Variants in MAL2 observed in about 807,000 individuals in gnomAD.
The protein encoded by MAL2 is mal, T cell differentiation protein 2.
In MAL2, 17 loss-of-function variants were observed where a neutral mutation model predicts 18.1. The observed-to-expected ratio is 0.94, with a 90% CI of 0.64 to 1.41. The LOEUF (loss-of-function observed/expected upper bound fraction) is 1.41. Ranked by LOEUF, MAL2 falls within the 40% of genes most tolerant of loss-of-function variation. MAL2 has a pLI of 0.00. For synonymous variants in MAL2, 102 were observed against 102.3 expected (o/e 1.00, Z 0.02); for missense variants, 222 against 231.9 (o/e 0.96, Z 0.28).
intron 2 of MAL2, among the ~76,000 whole-genome samples, chr8:119,226,966 C>T (rs1451077022): frequency 6.6e-6 from 1 of 152,158 alleles, no homozygotes; most frequent in Non-Finnish European, 1.5e-5. Context: ...ACATCCCACA[C>T]CTGGCACAAA....
chr8:119,213,005 G>A (rs1022182897), intron 1 of MAL2, among the ~76,000 whole-genome samples: 2 of 152,140 alleles, frequency 1.3e-5, no homozygotes, highest in African/African-American at 4.8e-5. Flanking sequence ...AGGGACTGAA[G>A]GCAGGAAGAG....
intron 2 of MAL2, among the ~76,000 whole-genome samples, chr8:119,229,936 C>T (rs1054231695): frequency 5.3e-5 from 8 of 152,186 alleles, no homozygotes; most frequent in African/African-American, 1.2e-4. Flanking sequence ...CTTGCAGTTA[C>T]CTCTTGTTAA....
chr8:119,208,686 T>A lies in MAL2; in HGVS notation c.132+82T>A, dbSNP rs894348820. On this transcript the variant is annotated intron_variant, in intron 1 of 3. Coordinates refer to ENST00000614891, the MANE Select transcript of MAL2 (RefSeq NM_052886.3). The surrounding 1 kb of genome is among the most constrained non-coding windows in gnomAD (Gnocchi z 4.3). ...CCTTGTCCCCCGGGCTGTCTTCCTC[T>A]GCGTCCGCCCCCGGCCTCCTTCCCT... 1 of 1,217,384 alleles carries A rather than the reference T, an allele frequency of 8.2e-7. No individual in the cohort carries two copies. Among genetic ancestry groups the A allele is most frequent in the East Asian group, 3.3e-5 (1 of 30,374 alleles). 75.4% of individuals were successfully genotyped at this position (1,217,384 alleles called of 1,614,324 possible).
intron 3 of MAL2, among the ~76,000 whole-genome samples, chr8:119,242,369 CTTCAAG>C (rs1156548083): frequency 6.6e-6 from 1 of 152,144 alleles, no homozygotes; most frequent in East Asian, 1.9e-4. Flanking sequence ...CCTCTACATG[CTTCAAG>C]TTCAACATTA....
chr8:119,233,989 C>T (rs539516606), intron 2 of MAL2, among the ~76,000 whole-genome samples: 3 of 152,290 alleles, frequency 2.0e-5, no homozygotes, highest in Admixed American at 6.5e-5. Context: ...CTCCAGTCTA[C>T]AGCTCCCAGC....
In MAL2 at chr8:119,245,490, C is replaced by A. The variant is rs1395201988; in HGVS notation, c.*2002C>A. On this transcript the variant is annotated 3_prime_UTR_variant, in exon 4 of 4. Transcript: ENST00000614891. Reference sequence around the variant, plus strand: ...TGAATACTTAGATTTGTAGCTTAATCACATTCTAGACTTGTGAGTTGAATG... The same window carrying A: ...TGAATACTTAGATTTGTAGCTTAATAACATTCTAGACTTGTGAGTTGAATG... 1 of 152,586 alleles carries A rather than the reference C, an allele frequency of 6.6e-6. No homozygotes were observed. The highest frequency in any genetic ancestry group is 1.5e-5 in the Non-Finnish European group (1 of 68,030). 9.5% of individuals were successfully genotyped at this position (152,586 alleles called of 1,614,324 possible).
chr8:119,214,160 A>G (rs1428137758), intron 1 of MAL2, among the ~76,000 whole-genome samples: 3 of 152,242 alleles, frequency 2.0e-5, no homozygotes, highest in Non-Finnish European at 4.4e-5. Context: ...TGGCATACCC[A>G]GTATCATGCA....
In MAL2 at chr8:119,233,759, T is replaced by C. The variant is rs1046087225; in HGVS notation, c.304-6406T>C. Among the ~76,000 whole-genome samples, 5 of 151,908 alleles carry C rather than the reference T, an allele frequency of 3.3e-5. 1 individual carries two copies. The highest frequency in any genetic ancestry group is 1.2e-4 in the African/African-American group (5 of 41,170). ...TTCTACCAGAGGTACAAGGAGGAAC[T>C]GGTACCATTCCTTCTGAAACTATTC... On this transcript the variant is annotated intron_variant, in intron 2 of 3. Transcript: ENST00000614891.
Position 119,244,565 on chromosome 8 carries a change from T to C in MAL2, c.*1077T>C, listed in dbSNP as rs1818113673. ...GAATATACCCATATTTGTGTGTGGA[T>C]ATGTGAAGCTTTTCCAAATAGAGCT... On this transcript the variant is annotated 3_prime_UTR_variant, in exon 4 of 4. Coordinates refer to ENST00000614891, the MANE Select transcript of MAL2 (RefSeq NM_052886.3). The C allele has an allele frequency of 6.6e-6, 1 of 151,810 alleles. No homozygotes were observed. The highest frequency in any genetic ancestry group is 2.1e-4 in the South Asian group (1 of 4,738). 9.4% of individuals were successfully genotyped at this position (151,810 alleles called of 1,614,324 possible). A position where few individuals can be genotyped will look rare whatever the true frequency, so the allele number is the denominator to read the frequency against.
At chr8:119,214,373 A>T (rs1309895336) in intron 1 of MAL2, among the ~76,000 whole-genome samples, 2 of 152,186 alleles carry the variant, frequency 1.3e-5, no homozygotes, top group African/African-American at 2.4e-5. Flanking sequence ...GTTCTATTTT[A>T]TATAAGAGTA....
intron 2 of MAL2, among the ~76,000 whole-genome samples, chr8:119,222,371 A>T (rs922794927): frequency 6.6e-6 from 1 of 151,952 alleles, no homozygotes; most frequent in African/African-American, 2.4e-5. Flanking sequence ...TCTACTAAAA[A>T]TACAAAAATT....
rs368817195 is a variant in MAL2, at chr8:119,239,663, C to A, written c.304-502C>A. On this transcript the variant is annotated intron_variant, in intron 2 of 3. Coordinates refer to ENST00000614891, the MANE Select transcript of MAL2 (RefSeq NM_052886.3). ...GAAATCATCATTCTCAGTAAACTAT[C>A]GCAAGAACAAAAAACCAAACACCAC... Among the ~76,000 whole-genome samples the A allele has an allele frequency of 5.9e-5, 9 of 151,616 alleles. No individual in the cohort carries two copies. The South Asian group carries it at 6.2e-4, about 11-fold the overall frequency.
rs1296976011 is a variant in MAL2, at chr8:119,240,260, A to T, written c.399A>T (p.Thr133=). Residue 133 remains threonine, a synonymous_variant, in exon 3 of 4, where the codon ACA becomes ACT. Coordinates refer to ENST00000614891, the MANE Select transcript of MAL2 (RefSeq NM_052886.3). Reference sequence around the variant, plus strand: ...CCCTGCATGATTTGCATTGCAATACAACCATAACCGGGCAGCCACTCCTGA... The same window carrying T: ...CCCTGCATGATTTGCATTGCAATACTACCATAACCGGGCAGCCACTCCTGA... The part of the protein sequence containing the change: ...ATSLHDLHCN[T]TITGQPLLSD... 6.2e-7 allele frequency: 1 copy of T among 1,613,770 alleles called. No homozygotes were observed. Among genetic ancestry groups the T allele is most frequent in the African/African-American group, 1.3e-5 (1 of 75,028 alleles).
At chr8:119,239,767 T>C (rs1187404728) in intron 2 of MAL2, among the ~76,000 whole-genome samples, 3 of 147,976 alleles carry the variant, frequency 2.0e-5, no homozygotes, top group African/African-American at 8.0e-5. Flanking sequence ...CTGGGGACTG[T>C]TGTGGGGAGG....
At chr8:119,223,271 G>A (rs1479747646) in intron 2 of MAL2, 2 of 152,214 alleles carry the variant, frequency 1.3e-5, no homozygotes, top group Non-Finnish European at 2.9e-5. Context: ...AAGCTAAGAA[G>A]GAAGTGGAGT....
intron 2 of MAL2, among the ~76,000 whole-genome samples, chr8:119,228,277 C>T (rs1410204060): frequency 6.6e-6 from 1 of 152,118 alleles, no homozygotes; most frequent in Admixed American, 6.5e-5. Context: ...TCAATGGGAC[C>T]ATTGCTGTAT....
rs1293308353 is a variant in MAL2 at position 119,244,285 on chromosome 8, G to A, written c.*797G>A. ...TAATAGTCAAATACTTACCTTTGGA[G>A]AATACTTACCTTTGGAGGAATGTAT... On this transcript the variant is annotated 3_prime_UTR_variant, in exon 4 of 4. Coordinates refer to ENST00000614891, the MANE Select transcript of MAL2 (RefSeq NM_052886.3). The A allele has an allele frequency of 6.6e-6, 1 of 152,120 alleles. No individual in the cohort carries two copies. The highest frequency in any genetic ancestry group is 1.5e-5 in the Non-Finnish European group (1 of 68,016). 9.4% of individuals were successfully genotyped at this position (152,120 alleles called of 1,614,324 possible).
At chr8:119,212,162 T>C (rs1817276678) in intron 1 of MAL2, among the ~76,000 whole-genome samples, 1 of 152,216 alleles carries the variant, frequency 6.6e-6, no homozygotes, top group Non-Finnish European at 1.5e-5. Flanking sequence ...ATCTGCACTA[T>C]TGGGCTGAAC....
rs1348927685 is a variant in MAL2 at position 119,245,388 on chromosome 8, TC to T, written c.*1901del. On this transcript the variant is annotated 3_prime_UTR_variant, in exon 4 of 4. Coordinates refer to ENST00000614891, the MANE Select transcript of MAL2 (RefSeq NM_052886.3). The stretch of plus-strand genomic sequence containing the variant: ...TATGTTTGGTGGCATTAAATTGGTT[TC>T]TTTAAAATGCTTTGGTGGCACTTTT... 1 of 152,634 alleles carries T rather than the reference TC, an allele frequency of 6.6e-6. No individual in the cohort carries two copies. Among genetic ancestry groups the T allele is most frequent in the East Asian group, 1.9e-4 (1 of 5,188 alleles). 9.5% of individuals were successfully genotyped at this position (152,634 alleles called of 1,614,324 possible).
Sources: allele counts gnomAD v4.1 joint callset (sites outside exome capture counted in the v4.1 genomes callset), GRCh38; gene constraint gnomAD v4.1.1; non-coding constraint Gnocchi (gnomAD v3.1); transcripts MANE v1.5; gene names NCBI Gene and HGNC (gene_info 2026-07-23, HGNC 2026-07-21).